The following ATRN variants were observed in gnomAD, a reference collection of about 807,000 sequenced individuals.
The protein encoded by ATRN is attractin-2.
Under a neutral mutation model 178.7 loss-of-function variants are expected in ATRN, and 54 were observed. That is an observed-to-expected ratio of 0.30 (90% CI 0.24 to 0.38). The LOEUF (loss-of-function observed/expected upper bound fraction) is 0.38, where lower values mean the gene tolerates loss of function less well. ATRN is among the 10% of genes least tolerant of loss of function. The pLI, the probability that ATRN is intolerant of heterozygous loss-of-function variation, is 1.00. For missense variants in ATRN, 1,443 were observed against 1,815.1 expected (o/e 0.79, Z 3.73); for synonymous variants, 636 against 663.0 (o/e 0.96, Z 0.63).
At chr20:3,531,458 G>C (rs546675413) in intron 1 of ATRN, among the ~76,000 whole-genome samples, 1 of 152,272 alleles carries the variant, frequency 6.6e-6, no homozygotes, top group African/African-American at 2.4e-5. Context: ...TTATTGCAGT[G>C]ATGTGCATAT....
intron 1 of ATRN, among the ~76,000 whole-genome samples, chr20:3,531,865 T>C (rs1252781053): frequency 1.3e-5 from 2 of 152,202 alleles, no homozygotes; most frequent in Non-Finnish European, 2.9e-5. Flanking sequence ...TGTAAAATTA[T>C]ATAAATATGT....
rs1044312984 is a variant in ATRN, at chr20:3,638,824, T to C, written c.3943-4T>C. 5 of 1,613,830 alleles carry C rather than the reference T, an allele frequency of 3.1e-6. No homozygotes were observed. The highest frequency in any genetic ancestry group is 4.2e-6 in the Non-Finnish European group (5 of 1,179,852). Reference sequence around the variant, plus strand: ...ATTAATGGCTTTGCCATATTATTTATCAGCAACTTCTTCGAGAGATGCAAC... The same window carrying C: ...ATTAATGGCTTTGCCATATTATTTACCAGCAACTTCTTCGAGAGATGCAAC... On this transcript the variant is annotated splice_region_variant and splice_polypyrimidine_tract_variant and intron_variant, in intron 26 of 28. Transcript: ENST00000262919. The surrounding 1 kb of genome is among the most constrained non-coding windows in gnomAD (Gnocchi z 4.5).
intron 19 of ATRN, among the ~76,000 whole-genome samples, chr20:3,593,992 C>G (rs2146276107): frequency 6.6e-6 from 1 of 152,224 alleles, no homozygotes; most frequent in South Asian, 2.1e-4. Flanking sequence ...GGCATTGGAT[C>G]CTGGTTCTGA....
At chr20:3,530,933 A>T (rs2085445817) in intron 1 of ATRN, among the ~76,000 whole-genome samples, 2 of 152,146 alleles carry the variant, frequency 1.3e-5, no homozygotes, top group Non-Finnish European at 1.5e-5. Flanking sequence ...TTACCTCAGT[A>T]TTCTTGAACT....
Position 3,535,384 on chromosome 20 carries a change from C to A in ATRN, c.494+48C>A. The A allele has an allele frequency of 2.9e-6, 3 of 1,042,328 alleles. No homozygotes were observed. In the South Asian group the frequency reaches 6.0e-5, roughly 21 times the overall value. The allele number at this position is 1,042,328 out of a possible 1,614,324, so 64.6% of individuals were successfully genotyped here. ...ATTTTTGTTTTTTTAGCATAGAAGT[C>A]AGTGTGACATTAGTTTTCCCACAAG... is the stretch of plus-strand genomic sequence containing the variant. On this transcript the variant is annotated intron_variant, in intron 2 of 28. Coordinates refer to ENST00000262919, the MANE Select transcript of ATRN (RefSeq NM_139321.3).
intron 25 of ATRN, among the ~76,000 whole-genome samples, chr20:3,633,096 C>T (rs1247852778): frequency 6.6e-6 from 1 of 152,174 alleles, no homozygotes; most frequent in African/African-American, 2.4e-5. Context: ...GATCGTGCCA[C>T]TGCACTCCAG....
intron 3 of ATRN, 22 bp downstream of exon 3, chr20:3,540,357 T>G (rs776657195): frequency 2.1e-6 from 3 of 1,428,456 alleles, no homozygotes; most frequent in Non-Finnish European, 2.9e-6. Context: ...CTTACAAGCC[T>G]TCTTTCATCG....
intron 1 of ATRN, among the ~76,000 whole-genome samples, chr20:3,514,872 G>A (rs780613794): frequency 7.9e-5 from 12 of 152,214 alleles, no homozygotes; most frequent in African/African-American, 1.2e-4. Context: ...TGGGAGGATC[G>A]CTTGAGCCCG....
intron 24 of ATRN, among the ~76,000 whole-genome samples, chr20:3,619,860 T>G (rs532162822): frequency 6.6e-6 from 1 of 152,264 alleles, no homozygotes; most frequent in African/African-American, 2.4e-5. Flanking sequence ...CCCTCACTCT[T>G]GAGGGCAGCA....
In ATRN at chr20:3,645,342, G is replaced by C. The variant is rs771994719; in HGVS notation, c.4165+1074G>C. 6.6e-6 allele frequency among the ~76,000 whole-genome samples: 1 copy of C among 152,192 alleles called. No individual in the cohort carries two copies. On this transcript the variant is annotated intron_variant, in intron 28 of 28. Coordinates refer to ENST00000262919, the MANE Select transcript of ATRN (RefSeq NM_139321.3). The surrounding 1 kb of genome is among the most constrained non-coding windows in gnomAD (Gnocchi z 4.7). ...CGAGGGAGGCCTTTCGACATGGCTC[G>C]GCCAGGATTCATTGTCTTCATCTCA... is the stretch of plus-strand genomic sequence containing the variant.
chr20:3,562,044 G>A (rs2085959882), intron 8 of ATRN, among the ~76,000 whole-genome samples: 1 of 152,112 alleles, frequency 6.6e-6, no homozygotes, highest in Non-Finnish European at 1.5e-5. Flanking sequence ...TTTAAATTTA[G>A]TTAATTCTTT....
intron 5 of ATRN, 76 bp from the exon 6 acceptor site, chr20:3,549,094 T>TTAGATAATTAAAAC (rs374861849): frequency 4.4e-4 from 529 of 1,194,614 alleles, no homozygotes; most frequent in Admixed American, 1.1e-3. Flanking sequence ...TTTGTTACAT[T>TTAGATAATTAAAAC]TAGATAATTA....
intron 11 of ATRN, among the ~76,000 whole-genome samples, chr20:3,567,805 T>C (rs990938723): frequency 1.3e-5 from 2 of 152,094 alleles, no homozygotes; most frequent in African/African-American, 2.4e-5. Flanking sequence ...TGCCTCTCAG[T>C]TGCCTGCTCC....
intron 20 of ATRN, among the ~76,000 whole-genome samples, chr20:3,595,328 A>G (rs995661085): frequency 6.6e-5 from 10 of 152,230 alleles, no homozygotes; most frequent in Non-Finnish European, 1.2e-4. Flanking sequence ...TCAAGAAAAA[A>G]CTTAAAAAGT....
chr20:3,474,760 G>A (rs550921258), intron 1 of ATRN, among the ~76,000 whole-genome samples: 2 of 151,978 alleles, frequency 1.3e-5, no homozygotes, highest in East Asian at 1.9e-4. Flanking sequence ...GAGGCCAAGC[G>A]CGGTGACTCA....
At chr20:3,562,078 C>T (rs145389381) in intron 8 of ATRN, among the ~76,000 whole-genome samples, 198 bp from the exon 9 acceptor site, 245 of 152,296 alleles carry the variant, frequency 1.6e-3, no homozygotes, top group African/African-American at 5.6e-3. Context: ...ATTAGAACAT[C>T]AGAACATAGA....
intron 1 of ATRN, among the ~76,000 whole-genome samples, chr20:3,525,541 C>T (rs1368776035): frequency 2.0e-5 from 3 of 152,206 alleles, no homozygotes. Context: ...TTCCCCCTAA[C>T]TCATTTGATG....
rs17784288 is a variant in ATRN at position 3,649,196 on chromosome 20, G to C, written c.*2349G>C. On this transcript the variant is annotated 3_prime_UTR_variant, in exon 29 of 29. Coordinates refer to ENST00000262919, the MANE Select transcript of ATRN (RefSeq NM_139321.3). ...CAGGGAGTAAGAGGCGCTGGGCTCG[G>C]AGCCTGTTTCCAAGAAGGAATTGGT... 11,852 of 152,436 alleles carry C rather than the reference G, an allele frequency of 0.078. 596 individuals carry two copies. The highest frequency in any genetic ancestry group is 0.15 in the East Asian group (750 of 5,162). 9.4% of individuals were successfully genotyped at this position (152,436 alleles called of 1,614,324 possible).
At chr20:3,507,693 TA>T (rs1331637055) in intron 1 of ATRN, among the ~76,000 whole-genome samples, 39 of 137,084 alleles carry the variant, frequency 2.8e-4, no homozygotes, top group South Asian at 4.4e-4. Flanking sequence ...AAGTTAAAAA[TA>T]TTTTTTTTTT....
Sources: allele counts gnomAD v4.1 joint callset (sites outside exome capture counted in the v4.1 genomes callset), GRCh38; gene constraint gnomAD v4.1.1; non-coding constraint Gnocchi (gnomAD v3.1); transcripts MANE v1.5; gene names NCBI Gene and HGNC (gene_info 2026-07-23, HGNC 2026-07-21).